The following DNAH11 variants were observed in gnomAD, a reference collection of about 807,000 sequenced individuals.
The protein encoded by DNAH11 is axonemal beta dynein heavy chain 11.
In DNAH11, 442 loss-of-function variants were observed where a neutral mutation model predicts 526.0. The ratio of observed to expected loss-of-function variants is 0.84; its 90% CI spans 0.78 to 0.91. The LOEUF (loss-of-function observed/expected upper bound fraction) is 0.91. Among genes scored for constraint, DNAH11 ranks in the 40% least tolerant of loss-of-function variants. DNAH11 has a pLI of 0.00. For synonymous variants in DNAH11, 2,461 were observed against 1,935.9 expected (o/e 1.27, Z -7.12); for missense variants, 6,989 against 5,448.7 (o/e 1.28, Z -8.90).
At chr7:21,834,375 C>T (rs1781909342) in intron 65 of DNAH11, among the ~76,000 whole-genome samples, 1 of 152,114 alleles carries the variant, frequency 6.6e-6, no homozygotes, top group Admixed American at 6.6e-5. Flanking sequence ...TAAATTCCTA[C>T]ATCGAAAAAT....
intron 8 of DNAH11, among the ~76,000 whole-genome samples, chr7:21,580,978 A>C (rs987445759): frequency 1.3e-5 from 2 of 152,188 alleles, no homozygotes; most frequent in Admixed American, 6.5e-5. Context: ...TTTGTCACCT[A>C]TAATGCACAA....
At chr7:21,896,556 C>G (rs191482882) in intron 79 of DNAH11, among the ~76,000 whole-genome samples, 58 of 152,308 alleles carry the variant, frequency 3.8e-4, no homozygotes, top group African/African-American at 1.2e-3. Flanking sequence ...TTTTAAAGTA[C>G]TGTCATAAAT....
At chr7:21,750,134 C>G in intron 53 of DNAH11, 88 bp from the exon 54 acceptor site, 1 of 1,430,788 alleles carries the variant, frequency 7.0e-7, no homozygotes, top group Non-Finnish European at 9.3e-7. Flanking sequence ...TGAACTTTGT[C>G]TTGTAAAACA....
intron 20 of DNAH11, among the ~76,000 whole-genome samples, chr7:21,610,178 T>G (rs1976886): frequency 1.3e-5 from 2 of 151,932 alleles, no homozygotes; most frequent in African/African-American, 2.4e-5. Context: ...GGCGTGAACC[T>G]GGGAGGTGTA....
In DNAH11 at chr7:21,758,414, A is replaced by G. The variant is rs751677981; in HGVS notation, c.8941-7014A>G. On this transcript the variant is annotated intron_variant, in intron 54 of 81. Transcript: ENST00000409508. ...AGAAAAGTTTTTTTCAAACTGCTGT[A>G]TATTTACTCATTCATGTAGCCATTC... Among the ~76,000 whole-genome samples the G allele has an allele frequency of 1.1e-4, 17 of 152,302 alleles. No homozygotes were observed. In the East Asian group the frequency reaches 1.2e-3, roughly 10 times the overall value.
chr7:21,624,028 A>G (rs1395836235), intron 25 of DNAH11, among the ~76,000 whole-genome samples: 4 of 151,814 alleles, frequency 2.6e-5, no homozygotes, highest in Non-Finnish European at 2.9e-5. Context: ...TAATATCACT[A>G]ACTCACTAAT....
At chr7:21,847,136 A>G (rs1782450487) in intron 66 of DNAH11, among the ~76,000 whole-genome samples, 1 of 152,062 alleles carries the variant, frequency 6.6e-6, no homozygotes, top group African/African-American at 2.4e-5. Flanking sequence ...TCAAATAATC[A>G]GCTTTGGATT....
chr7:21,793,885 C>T (rs1428799484), intron 61 of DNAH11, among the ~76,000 whole-genome samples: 5 of 152,132 alleles, frequency 3.3e-5, no homozygotes, highest in Non-Finnish European at 5.9e-5. Flanking sequence ...TTTAAACTCC[C>T]TCTTGAACTC....
intron 28 of DNAH11, among the ~76,000 whole-genome samples, chr7:21,647,859 C>G (rs1787433623): frequency 6.6e-6 from 1 of 152,050 alleles, no homozygotes. Context: ...CATTCAAAAA[C>G]TCTTAAGATT....
rs1361552047 is a variant in DNAH11 at position 21,884,317 on chromosome 7, CTT to C, written c.12416_12417del (p.Phe4139TrpfsTer2). ...KVPWEDLRYL[F>X]GEIMYGGHIT... is the part of the protein sequence containing the mutation. ...TCCCATGGGAAGATCTCCGTTATCT[CTT>C]TGGTGAGATCATGTATGGAGGCCAC... On this transcript the variant is annotated frameshift_variant, in exon 76 of 82. Transcript: ENST00000409508. LOFTEE classifies it high-confidence loss of function. The C allele has an allele frequency of 6.2e-7, 1 of 1,611,632 alleles. No homozygotes were observed. The highest frequency in any genetic ancestry group is 1.3e-5 in the African/African-American group (1 of 74,834).
intron 45 of DNAH11, 61 bp from the exon 46 acceptor site, chr7:21,735,579 C>G (rs1250296891): frequency 2.0e-6 from 3 of 1,466,526 alleles, no homozygotes; most frequent in Non-Finnish European, 2.8e-6. Flanking sequence ...TGGAATGCCT[C>G]TCTCTCGCAC....
chr7:21,704,347 G>A (rs751467510), intron 37 of DNAH11, 87 bp from the exon 38 acceptor site: 3 of 1,305,280 alleles, frequency 2.3e-6, no homozygotes, highest in Non-Finnish European at 3.2e-6. Context: ...CTTCACATAT[G>A]AGGAGTAAAA....
At chr7:21,683,990 A>C (rs1376651363) in intron 32 of DNAH11, 46 bp downstream of exon 32, 1 of 1,599,774 alleles carries the variant, frequency 6.3e-7, no homozygotes, top group East Asian at 2.2e-5. Context: ...CAACCCAAAA[A>C]AGTCCCCTAG....
At chr7:21,766,217 A>G (rs1583672165) in intron 55 of DNAH11, among the ~76,000 whole-genome samples, 1 of 152,224 alleles carries the variant, frequency 6.6e-6, no homozygotes, top group East Asian at 1.9e-4. Context: ...TGGTTGTACA[A>G]AACAAAACAA....
intron 8 of DNAH11, among the ~76,000 whole-genome samples, chr7:21,575,931 CTTAT>C (rs963968427): frequency 5.3e-5 from 8 of 152,230 alleles, no homozygotes; most frequent in South Asian, 2.1e-4. Flanking sequence ...TAAAGTTTAT[CTTAT>C]TTATTTTAAA....
At chr7:21,567,971 G>A (rs1190480669) in intron 6 of DNAH11, among the ~76,000 whole-genome samples, 1 of 152,076 alleles carries the variant, frequency 6.6e-6, no homozygotes, top group Non-Finnish European at 1.5e-5. Flanking sequence ...CCATGGCTTG[G>A]TGTATCTATT....
intron 1 of DNAH11, 52 bp downstream of exon 1, chr7:21,543,648 GAGACAGCC>G: frequency 6.5e-7 from 1 of 1,532,024 alleles, no homozygotes; most frequent in Admixed American, 2.1e-5. Flanking sequence ...CTACCCAGGG[GAGACAGCC>G]CAGTCGCTCC....
At chr7:21,876,412 T>C (rs1391132885) in intron 74 of DNAH11, among the ~76,000 whole-genome samples, 1 of 152,206 alleles carries the variant, frequency 6.6e-6, no homozygotes, top group Non-Finnish European at 1.5e-5. Flanking sequence ...CAAAATGCAG[T>C]TTTTAATCAG....
rs573169999 is a variant in DNAH11 at position 21,614,924 on chromosome 7, G to C, written c.3853-190G>C. ...AAGTTACTGTGTTTAACAGTAATCT[G>C]TTCTCACTTTTTGTGCAGCTGAGTT... On this transcript the variant is annotated intron_variant, in intron 20 of 81. Coordinates refer to ENST00000409508, the MANE Select transcript of DNAH11 (RefSeq NM_001277115.2). 2.0e-5 allele frequency among the ~76,000 whole-genome samples: 3 copies of C among 152,286 alleles called. No individual in the cohort carries two copies. In the South Asian group the frequency reaches 6.2e-4, roughly 32 times the overall value.
Sources: gnomAD v4.1 joint callset for allele counts (sites outside exome capture counted in the v4.1 genomes callset) on GRCh38, gnomAD v4.1.1 for gene constraint, MANE v1.5 for transcripts, NCBI Gene and HGNC (gene_info 2026-07-23, HGNC 2026-07-21) for gene names.